The following PDPK1 variants were observed in gnomAD, a reference collection of about 807,000 sequenced individuals.
PDPK1 encodes the protein 3-phosphoinositide-dependent protein kinase 1.
Under a neutral mutation model 39.8 loss-of-function variants are expected in PDPK1, and 7 were observed. That is an observed-to-expected ratio of 0.18 (90% CI 0.10 to 0.33). The LOEUF (loss-of-function observed/expected upper bound fraction) is 0.33. PDPK1 is among the 10% of genes least tolerant of loss of function. PDPK1 has a pLI of 1.00. For synonymous variants in PDPK1, 118 were observed against 159.1 expected (o/e 0.74, Z 1.95); for missense variants, 182 against 384.7 (o/e 0.47, Z 4.41).
intron 1 of PDPK1, among the ~76,000 whole-genome samples, chr16:2,546,620 G>A (rs1207824032): frequency 2.0e-5 from 3 of 152,204 alleles, no homozygotes; most frequent in Admixed American, 1.3e-4. Flanking sequence ...GTGAACCACC[G>A]TGCCCGGCCT....
At position 2,601,779 on chromosome 16, in the gene PDPK1, T is replaced by C. The variant is rs1283186778; in HGVS notation, c.*4012T>C. The C allele has an allele frequency of 4.6e-6, 1 of 217,136 alleles. No individual in the cohort carries two copies. The highest frequency in any genetic ancestry group is 1.9e-4 in the South Asian group (1 of 5,268). 13.5% of individuals were successfully genotyped at this position (217,136 alleles called of 1,614,324 possible). On this transcript the variant is annotated 3_prime_UTR_variant, in exon 14 of 14. Coordinates refer to ENST00000342085, the MANE Select transcript of PDPK1 (RefSeq NM_002613.5). ...TGGCTTTTTCATTGTAGGGCGTGGTTGTCCCAGCTGGTGTAGATTTCAGGC... is the reference window on the plus strand; with the variant it reads ...TGGCTTTTTCATTGTAGGGCGTGGTCGTCCCAGCTGGTGTAGATTTCAGGC...
Position 2,599,051 on chromosome 16 carries a change from C to T in PDPK1, c.*1284C>T, listed in dbSNP as rs1461961129. 11 of 233,368 alleles carry T rather than the reference C, an allele frequency of 4.7e-5. No homozygotes were observed. The highest frequency in any genetic ancestry group is 8.5e-5 in the Non-Finnish European group (10 of 118,180). The allele number at this position is 233,368 out of a possible 1,614,324, so 14.5% of individuals were successfully genotyped here. ...CTCTAGAGAGAGCCGGTTTTGGGGC[C>T]ATTTCCCTTTGATGCTTTGGTGGCC... On this transcript the variant is annotated 3_prime_UTR_variant, in exon 14 of 14. Coordinates refer to ENST00000342085, the MANE Select transcript of PDPK1 (RefSeq NM_002613.5).
Position 2,560,248 on chromosome 16 carries a change from A to G in PDPK1, c.286-1232A>G, listed in dbSNP as rs115176250. Among the ~76,000 whole-genome samples the G allele has an allele frequency of 2.0e-3, 298 of 152,166 alleles. 1 individual carries two copies. The highest frequency in any genetic ancestry group is 6.8e-3 in the African/African-American group (283 of 41,502). ...CACTAAATATCGGTGCTCGTTCACA[A>G]TTCTTTCTTCCTCTTTTCTACTTAT... is the stretch of plus-strand genomic sequence containing the variant. On this transcript the variant is annotated intron_variant, in intron 2 of 13. Transcript: ENST00000342085.
intron 6 of PDPK1, chr16:2,576,449 A>C (rs534805322): frequency 6.9e-6 from 1 of 144,390 alleles, no homozygotes; most frequent in East Asian, 2.0e-4. Flanking sequence ...GGCAGGATGC[A>C]AATGCAGCCA....
intron 1 of PDPK1, among the ~76,000 whole-genome samples, chr16:2,546,396 C>T (rs568433304): frequency 4.3e-4 from 65 of 152,074 alleles, no homozygotes; most frequent in Non-Finnish European, 7.9e-4. Flanking sequence ...TGCAGTGGCG[C>T]GATCTCGGCT....
Position 2,598,252 on chromosome 16 carries a change from G to A in PDPK1, c.*485G>A, listed in dbSNP as rs571210384. The A allele has an allele frequency of 1.4e-4, 34 of 234,720 alleles. No individual in the cohort carries two copies. The South Asian group carries it at 6.0e-3, about 41-fold the overall frequency. 14.5% of individuals were successfully genotyped at this position (234,720 alleles called of 1,614,324 possible). On this transcript the variant is annotated 3_prime_UTR_variant, in exon 14 of 14. Coordinates refer to ENST00000342085, the MANE Select transcript of PDPK1 (RefSeq NM_002613.5). ...TTCACCAGGGAGGGAGCCCTGCGGGGGCCGCAGCTTTGTGGAGGGAGCCGC... is the reference window on the plus strand; with the variant it reads ...TTCACCAGGGAGGGAGCCCTGCGGGAGCCGCAGCTTTGTGGAGGGAGCCGC...
chr16:2,553,443 T>G (rs1173087334), intron 1 of PDPK1, among the ~76,000 whole-genome samples: 2 of 128,038 alleles, frequency 1.6e-5, no homozygotes, highest in African/African-American at 6.8e-5. Flanking sequence ...CTCAGCCTCC[T>G]GGGCTCAAGT....
chr16:2,573,732 G>A (rs1442166532), intron 6 of PDPK1, among the ~76,000 whole-genome samples: 5 of 131,354 alleles, frequency 3.8e-5, no homozygotes, highest in Admixed American at 1.5e-4. Context: ...ACTTTGTCTC[G>A]GGAAGAAAAA....
rs1206169235 is a variant in PDPK1 at position 2,578,196 on chromosome 16, G to C, written c.785+696G>C. Among the ~76,000 whole-genome samples the C allele has an allele frequency of 6.2e-5, 9 of 146,100 alleles. 1 individual carries two copies. In the South Asian group the frequency reaches 1.3e-3, roughly 21 times the overall value. ...ACCAGCTGCAGTGGGACAGCGTCCCGCAGAGCGCAGGGAGGCCCTGGAGGG... is the reference window on the plus strand; with the variant it reads ...ACCAGCTGCAGTGGGACAGCGTCCCCCAGAGCGCAGGGAGGCCCTGGAGGG... On this transcript the variant is annotated intron_variant, in intron 7 of 13. Coordinates refer to ENST00000342085, the MANE Select transcript of PDPK1 (RefSeq NM_002613.5).
In PDPK1 at chr16:2,597,987, T is replaced by C; in HGVS notation, c.*220T>C. 3.5e-6 allele frequency: 2 copies of C among 567,066 alleles called. No homozygotes were observed. The highest frequency in any genetic ancestry group is 6.3e-6 in the Non-Finnish European group (2 of 318,170). The allele number at this position is 567,066 out of a possible 1,614,324, so 35.1% of individuals were successfully genotyped here. Reference sequence around the variant, plus strand: ...AACACAAAGGAATTCAGGGTCGCTTTGCTTGCTCTCTGTGCTCCGTGGAGG... The same window carrying C: ...AACACAAAGGAATTCAGGGTCGCTTCGCTTGCTCTCTGTGCTCCGTGGAGG... On this transcript the variant is annotated 3_prime_UTR_variant, in exon 14 of 14. Transcript: ENST00000342085. This position sits in a 1 kb window ranked among gnomAD's most constrained non-coding sequence, Gnocchi z 6.3.
chr16:2,597,622 A>G lies in PDPK1; in HGVS notation c.1555-29A>G. On this transcript the variant is annotated intron_variant, in intron 13 of 13. Coordinates refer to ENST00000342085, the MANE Select transcript of PDPK1 (RefSeq NM_002613.5). This position sits in a 1 kb window ranked among gnomAD's most constrained non-coding sequence, Gnocchi z 6.3. ...TGGGGGTTTTGGTGGGACTCCCTGGAGAACACTAAACGGCTTCTGTCTTCG... is the reference window on the plus strand; with the variant it reads ...TGGGGGTTTTGGTGGGACTCCCTGGGGAACACTAAACGGCTTCTGTCTTCG... 2.0e-6 allele frequency: 3 copies of G among 1,517,468 alleles called. No individual in the cohort carries two copies. The highest frequency in any genetic ancestry group is 2.7e-6 in the Non-Finnish European group (3 of 1,092,040). The allele number at this position is 1,517,468 out of a possible 1,614,324, so 94.0% of individuals were successfully genotyped here.
chr16:2,591,327 C>T (rs1332407247), intron 11 of PDPK1, among the ~76,000 whole-genome samples: 1 of 152,206 alleles, frequency 6.6e-6, no homozygotes, highest in African/African-American at 2.4e-5. Flanking sequence ...GGAAGCTTTA[C>T]ATCATTCAGC....
chr16:2,599,054 T>G lies in PDPK1; in HGVS notation c.*1287T>G. 1 of 233,438 alleles carries G rather than the reference T, an allele frequency of 4.3e-6. No homozygotes were observed. Among genetic ancestry groups the G allele is most frequent in the East Asian group, 6.0e-5 (1 of 16,592 alleles). 14.5% of individuals were successfully genotyped at this position (233,438 alleles called of 1,614,324 possible). On this transcript the variant is annotated 3_prime_UTR_variant, in exon 14 of 14. Transcript: ENST00000342085. ...TAGAGAGAGCCGGTTTTGGGGCCATTTCCCTTTGATGCTTTGGTGGCCTTG... is the reference window on the plus strand; with the variant it reads ...TAGAGAGAGCCGGTTTTGGGGCCATGTCCCTTTGATGCTTTGGTGGCCTTG...
At chr16:2,594,549 CA>C (rs1431181292) in intron 11 of PDPK1, 2 of 152,216 alleles carry the variant, frequency 1.3e-5, no homozygotes, top group East Asian at 1.9e-4. Context: ...GACTCTGTCT[CA>C]AAAAAACCAA....
intron 1 of PDPK1, among the ~76,000 whole-genome samples, chr16:2,547,444 C>T (rs1246999455): frequency 1.9e-5 from 2 of 105,422 alleles, no homozygotes; most frequent in Non-Finnish European, 3.6e-5. Context: ...TGGCTTTTTT[C>T]CATCGGTCAG....
At position 2,584,920 on chromosome 16, in the gene PDPK1, C is replaced by G. The variant is rs183914740; in HGVS notation, c.1125+1335C>G. On this transcript the variant is annotated intron_variant, in intron 10 of 13. Transcript: ENST00000342085. ...CCTGTGTGCCACTCAGCTGCTCCTG[C>G]GTGGTGTTTGGTTACGGCTGGCAGG... Among the ~76,000 whole-genome samples, 26 of 152,324 alleles carry G rather than the reference C, an allele frequency of 1.7e-4. 1 individual carries two copies. The highest frequency in any genetic ancestry group is 1.4e-3 in the Admixed American group (22 of 15,308).
chr16:2,577,319 A>G, intron 6 of PDPK1, 106 bp from the exon 7 acceptor site: 1 of 699,258 alleles, frequency 1.4e-6, no homozygotes, highest in Non-Finnish European at 2.6e-6. Flanking sequence ...GCCCCGGACA[A>G]GTCTGGCTCC....
chr16:2,586,525 G>C lies in PDPK1; in HGVS notation c.1126-151G>C, dbSNP rs573862757. 4.7e-6 allele frequency: 3 copies of C among 641,340 alleles called. No individual in the cohort carries two copies. The African/African-American group carries it at 5.4e-5, about 12-fold the overall frequency. 39.7% of individuals were successfully genotyped at this position (641,340 alleles called of 1,614,324 possible). A position where few individuals can be genotyped will look rare whatever the true frequency, so the allele number is the denominator to read the frequency against. ...TCGGTTCTGTGGCCAGGTGTCCCAT[G>C]GAGGAGAATCAGGGCTGCCCACCCT... On this transcript the variant is annotated intron_variant, in intron 10 of 13. Coordinates refer to ENST00000342085, the MANE Select transcript of PDPK1 (RefSeq NM_002613.5).
intron 2 of PDPK1, among the ~76,000 whole-genome samples, chr16:2,560,997 T>C (rs934514876): frequency 1.3e-5 from 2 of 151,358 alleles, no homozygotes; most frequent in African/African-American, 4.9e-5. Context: ...AGCCAGGCTC[T>C]CTTCATGGTG....
Sources: gnomAD v4.1 joint callset for allele counts (sites outside exome capture counted in the v4.1 genomes callset) on GRCh38, gnomAD v4.1.1 for gene constraint, Gnocchi (gnomAD v3.1) non-coding constraint, MANE v1.5 for transcripts, NCBI Gene and HGNC (gene_info 2026-07-23, HGNC 2026-07-21) for gene names.